ARHGAP24: variants seen among roughly 807,000 people sequenced by gnomAD.
ARHGAP24 encodes rho GTPase-activating protein 24.
ARHGAP24 carries 50 observed loss-of-function variants against 76.4 expected under a neutral mutation model. The ratio of observed to expected loss-of-function variants is 0.65; its 90% confidence interval spans 0.52 to 0.83. ARHGAP24 has a LOEUF of 0.83. Among genes scored for constraint, ARHGAP24 ranks in the 40% least tolerant of loss-of-function variants. The pLI is 0.00. For missense variants in ARHGAP24, 930 were observed against 914.2 expected (o/e 1.02, Z -0.22); for synonymous variants, 345 against 323.3 (o/e 1.07, Z -0.72).
chr4:85,723,768 A>C (rs1301810700), intron 3 of ARHGAP24: 1 of 152,204 alleles, frequency 6.6e-6, no homozygotes, highest in African/African-American at 2.4e-5. Flanking sequence ...CACTACATTG[A>C]GAATCCAGTG....
rs77138218 is a variant in ARHGAP24 at position 85,548,202 on chromosome 4, T to C, written c.-20-22320T>C. Among the ~76,000 whole-genome samples the C allele has an allele frequency of 8.1e-4, 123 of 152,340 alleles. No individual in the cohort carries two copies. In the East Asian group the frequency reaches 0.022, roughly 27 times the overall value. ...CCTTACTTTCTGGCACATGTTATTC[T>C]AGGCTCATTTTGTATTTTCCTTGTC... is the stretch of plus-strand genomic sequence containing the variant. On this transcript the variant is annotated intron_variant, in intron 1 of 9. Transcript: ENST00000395184.
At chr4:85,564,522 C>A (rs1242711649) in intron 1 of ARHGAP24, among the ~76,000 whole-genome samples, 3 of 150,964 alleles carry the variant, frequency 2.0e-5, no homozygotes, top group Non-Finnish European at 2.9e-5. Flanking sequence ...GCACATGGAT[C>A]CTAGAACTTA....
intron 2 of ARHGAP24, among the ~76,000 whole-genome samples, chr4:85,683,611 T>C (rs986577049): frequency 3.3e-5 from 5 of 152,190 alleles, no homozygotes; most frequent in African/African-American, 1.2e-4. Context: ...TTATTATGTA[T>C]TTTATTGTGA....
chr4:85,534,866 A>G (rs939235579), intron 1 of ARHGAP24, among the ~76,000 whole-genome samples: 20 of 150,834 alleles, frequency 1.3e-4, no homozygotes, highest in African/African-American at 4.9e-4. Flanking sequence ...TGCTTGCTCT[A>G]TCTCCAACTC....
intron 2 of ARHGAP24, among the ~76,000 whole-genome samples, chr4:85,595,470 C>G (rs1719774175): frequency 6.6e-6 from 1 of 152,098 alleles, no homozygotes; most frequent in Non-Finnish European, 1.5e-5. Context: ...TGTTGAAATT[C>G]ATGGTCTAAT....
chr4:85,768,558 GA>G (rs1432595271), intron 3 of ARHGAP24, among the ~76,000 whole-genome samples: 6 of 152,102 alleles, frequency 3.9e-5, no homozygotes, highest in Non-Finnish European at 8.8e-5. Context: ...CCAACATGGT[GA>G]AACCCTGTCT....
chr4:85,978,285 AT>A (rs1476746503), intron 8 of ARHGAP24, among the ~76,000 whole-genome samples: 1 of 152,226 alleles, frequency 6.6e-6, no homozygotes, highest in Non-Finnish European at 1.5e-5. Context: ...TGATTTCAGA[AT>A]TTAAAAGAAA....
At chr4:85,541,828 G>A (rs1010916271) in intron 1 of ARHGAP24, among the ~76,000 whole-genome samples, 1 of 151,916 alleles carries the variant, frequency 6.6e-6, no homozygotes, top group African/African-American at 2.4e-5. Flanking sequence ...TTCACAGGTG[G>A]GTTGACGTTT....
chr4:85,733,355 G>A (rs4302455), intron 3 of ARHGAP24, among the ~76,000 whole-genome samples: 1 of 151,628 alleles, frequency 6.6e-6, no homozygotes, highest in Non-Finnish European at 1.5e-5. Flanking sequence ...GAGCCACCAC[G>A]CTGGGCCCAG....
chr4:85,575,200 T>C (rs2109966889), intron 2 of ARHGAP24, among the ~76,000 whole-genome samples: 1 of 152,340 alleles, frequency 6.6e-6, no homozygotes, highest in Middle Eastern at 3.4e-3. Context: ...TGTCTACAAG[T>C]ATTTGCACTT....
intron 2 of ARHGAP24, among the ~76,000 whole-genome samples, chr4:85,621,773 G>T (rs1226511811): frequency 6.6e-6 from 1 of 152,022 alleles, no homozygotes; most frequent in Non-Finnish European, 1.5e-5. Flanking sequence ...GTTTAATTAG[G>T]TTATAATTGT....
chr4:85,943,210 G>A (rs1737051662), intron 5 of ARHGAP24, among the ~76,000 whole-genome samples: 2 of 152,138 alleles, frequency 1.3e-5, no homozygotes, highest in South Asian at 4.1e-4. Flanking sequence ...TTTTGGATAA[G>A]AGTAATCCTG....
chr4:85,712,286 C>A (rs1724558207), intron 2 of ARHGAP24, among the ~76,000 whole-genome samples: 1 of 152,026 alleles, frequency 6.6e-6, no homozygotes, highest in Non-Finnish European at 1.5e-5. Context: ...TCTCAGAATG[C>A]CTTGCACACC....
At chr4:85,608,612 C>T (rs1256018093) in intron 2 of ARHGAP24, among the ~76,000 whole-genome samples, 6 of 117,084 alleles carry the variant, frequency 5.1e-5, no homozygotes, top group African/African-American at 2.0e-4. Context: ...GGCTGGAGTA[C>T]AATGGCATGA....
At chr4:85,478,720 G>A (rs1343557174) in intron 1 of ARHGAP24, among the ~76,000 whole-genome samples, 1 of 151,890 alleles carries the variant, frequency 6.6e-6, no homozygotes, top group Non-Finnish European at 1.5e-5. Context: ...TCAGGCTTCT[G>A]ATCTCTGGTT....
intron 1 of ARHGAP24, among the ~76,000 whole-genome samples, chr4:85,560,939 G>A (rs1726571651): frequency 6.6e-6 from 1 of 152,148 alleles, no homozygotes. Context: ...GAGGGCTTTG[G>A]TGTCAATTTT....
rs60635375 is a variant in ARHGAP24, at chr4:85,750,485, C to CTTTTTTT, written c.268+28537_268+28543dup. On this transcript the variant is annotated intron_variant, in intron 3 of 9. Coordinates refer to ENST00000395184, the MANE Select transcript of ARHGAP24 (RefSeq NM_001025616.3). ...GGGATTAACATGACTCTTTTCATTC[C>CTTTTTTT]TTTTTTTTTTTTTTTTTTTTTTTTT... Among the ~76,000 whole-genome samples, 21 of 61,640 alleles carry CTTTTTTT rather than the reference C, an allele frequency of 3.4e-4. 2 individuals carry two copies. The highest frequency in any genetic ancestry group is 1.4e-3 in the African/African-American group (20 of 14,556). 40.4% of individuals were successfully genotyped at this position (61,640 alleles called of 152,430 possible).
chr4:85,951,117 A>G (rs866479156), intron 5 of ARHGAP24, among the ~76,000 whole-genome samples: 2 of 152,170 alleles, frequency 1.3e-5, no homozygotes, highest in Admixed American at 1.3e-4. Context: ...TAAATTGTCA[A>G]GCTTGAATCC....
chr4:85,656,863 A>T (rs1722196206), intron 2 of ARHGAP24, among the ~76,000 whole-genome samples: 1 of 152,178 alleles, frequency 6.6e-6, no homozygotes, highest in African/African-American at 2.4e-5. Context: ...CATATGGGTC[A>T]CACTGTAGTG....
Sources: allele counts gnomAD v4.1 joint callset (sites outside exome capture counted in the v4.1 genomes callset), GRCh38; gene constraint gnomAD v4.1.1; transcripts MANE v1.5; gene names NCBI Gene and HGNC (gene_info 2026-07-23, HGNC 2026-07-21).